DIAPH3: variants seen among roughly 807,000 people sequenced by gnomAD.
The protein encoded by DIAPH3 is diaphanous related formin 3, also known as protein diaphanous homolog 3.
Under a neutral mutation model 144.3 loss-of-function variants are expected in DIAPH3, and 117 were observed. That is an observed-to-expected ratio of 0.81 (90% CI 0.70 to 0.95). The LOEUF (loss-of-function observed/expected upper bound fraction) is 0.95. Ranked by LOEUF, DIAPH3 falls within the 40% of genes least tolerant of loss-of-function variation. The probability of loss-of-function intolerance (pLI) is 0.00; values close to 1 mark genes in which losing one functional copy is unlikely to be tolerated. For synonymous variants in DIAPH3, 519 were observed against 488.9 expected, an observed-to-expected ratio of 1.06 and a Z score of -0.81; for missense variants, 1,421 against 1,412.7, an observed-to-expected ratio of 1.01 and a Z score of -0.09.
intron 23 of DIAPH3, among the ~76,000 whole-genome samples, chr13:59,835,917 T>C (rs1015424893): frequency 6.6e-6 from 1 of 151,878 alleles, no homozygotes; most frequent in Non-Finnish European, 1.5e-5. Context: ...GGGCTGGCTT[T>C]AGCATCTACC....
intron 17 of DIAPH3, among the ~76,000 whole-genome samples, chr13:59,967,552 C>G (rs541794065): frequency 6.6e-6 from 1 of 152,162 alleles, no homozygotes; most frequent in Non-Finnish European, 1.5e-5. Context: ...ACATCTTTCT[C>G]TTTCCTTCCT....
intron 5 of DIAPH3, among the ~76,000 whole-genome samples, chr13:60,017,949 C>G (rs1333921700): frequency 6.6e-6 from 1 of 152,168 alleles, no homozygotes; most frequent in Non-Finnish European, 1.5e-5. Flanking sequence ...TTTTATGTTT[C>G]ATGAAAACAA....
intron 27 of DIAPH3, among the ~76,000 whole-genome samples, chr13:59,760,213 G>T (rs887180714): frequency 2.0e-5 from 3 of 152,092 alleles, no homozygotes; most frequent in Non-Finnish European, 4.4e-5. Context: ...AGATAACAAA[G>T]AATTTTAAAA....
chr13:59,791,395 C>T (rs2139404324), intron 25 of DIAPH3, among the ~76,000 whole-genome samples: 1 of 152,284 alleles, frequency 6.6e-6, no homozygotes, highest in African/African-American at 2.4e-5. Context: ...CTGTATGGAA[C>T]ATTTTACCTA....
At chr13:59,852,019 A>C (rs769925627) in intron 22 of DIAPH3, among the ~76,000 whole-genome samples, 49 of 152,224 alleles carry the variant, frequency 3.2e-4, no homozygotes, top group Non-Finnish European at 4.9e-4. Context: ...AATGCCTACC[A>C]AACAGGAGTT....
intron 4 of DIAPH3, among the ~76,000 whole-genome samples, chr13:60,057,617 C>G (rs896462099): frequency 6.6e-6 from 1 of 151,792 alleles, no homozygotes; most frequent in Admixed American, 6.6e-5. Flanking sequence ...AACAAATCTG[C>G]AGGCATCACG....
chr13:59,934,602 C>A (rs750988947), intron 17 of DIAPH3, among the ~76,000 whole-genome samples: 14 of 152,098 alleles, frequency 9.2e-5, no homozygotes, highest in Non-Finnish European at 2.1e-4. Flanking sequence ...TTCTAAGAGG[C>A]TGATAAAGAG....
chr13:59,986,744 T>C (rs1242135299), intron 12 of DIAPH3, among the ~76,000 whole-genome samples: 1 of 149,004 alleles, frequency 6.7e-6, no homozygotes. Flanking sequence ...TCACTGGCCA[T>C]CAGAGAAATG....
At chr13:60,026,154 C>T (rs1209099644) in intron 5 of DIAPH3, among the ~76,000 whole-genome samples, 4 of 152,116 alleles carry the variant, frequency 2.6e-5, no homozygotes, top group Admixed American at 1.3e-4. Flanking sequence ...CTCTCTTATA[C>T]ATCCCCACAC....
intron 22 of DIAPH3, chr13:59,861,146 C>G (rs1360026735): frequency 8.6e-7 from 1 of 1,163,352 alleles, no homozygotes; most frequent in East Asian, 2.6e-5. Context: ...GAAGGTAGGG[C>G]TAGCAGGTAT....
chr13:59,851,635 C>CT (rs200870976), intron 22 of DIAPH3, among the ~76,000 whole-genome samples: 7,298 of 112,332 alleles, frequency 0.065, 300 homozygotes, highest in Admixed American at 0.097. Flanking sequence ...ATAGATGAAT[C>CT]TTTTTTTTTT....
In DIAPH3 at chr13:60,008,613, A is replaced by C; in HGVS notation, c.945T>G (p.Gly315=). The change falls in exon 9 of 28, where the codon GGT becomes GGG. Residue 315 remains glycine (G), a synonymous_variant. Coordinates refer to ENST00000400324, the MANE Select transcript of DIAPH3 (RefSeq NM_001042517.2). ...AAAATCTGTCAATTTTTTTTTCTTC[A>C]CCAGCTGAAGTTAAAGCTTCTAAAA... The part of the protein sequence containing the change: ...EEVLEALTSA[G]EEKKIDRFFC... The C allele has an allele frequency of 6.2e-7, 1 of 1,613,556 alleles. No individual in the cohort carries two copies.
chr13:59,707,894 C>A (rs954196332), intron 27 of DIAPH3, among the ~76,000 whole-genome samples: 1 of 151,752 alleles, frequency 6.6e-6, no homozygotes, highest in African/African-American at 2.4e-5. Context: ...AATGCTCCAA[C>A]AATTTACTCA....
intron 20 of DIAPH3, among the ~76,000 whole-genome samples, chr13:59,882,926 C>T (rs557811649): frequency 1.3e-5 from 2 of 152,272 alleles, no homozygotes; most frequent in South Asian, 4.2e-4. Context: ...CCCCCCCACA[C>T]ACAGATGTCA....
intron 18 of DIAPH3, among the ~76,000 whole-genome samples, chr13:59,924,438 A>AT (rs1308228394): frequency 6.6e-6 from 1 of 151,618 alleles, no homozygotes; most frequent in South Asian, 2.1e-4. Context: ...TACACTACCA[A>AT]TTTTTTTCAA....
chr13:59,919,202 C>A (rs1047495594), intron 18 of DIAPH3, among the ~76,000 whole-genome samples: 1 of 151,928 alleles, frequency 6.6e-6, no homozygotes, highest in Admixed American at 6.6e-5. Flanking sequence ...AGAGCAAAAA[C>A]GTGTCATTGA....
At chr13:60,141,972 A>G (rs1260819079) in intron 1 of DIAPH3, among the ~76,000 whole-genome samples, 1 of 152,174 alleles carries the variant, frequency 6.6e-6, no homozygotes. Context: ...AGTGTTTGCA[A>G]TAGAAAAAAC....
At chr13:59,969,448 A>C (rs1298205299) in intron 17 of DIAPH3, among the ~76,000 whole-genome samples, 1 of 152,152 alleles carries the variant, frequency 6.6e-6, no homozygotes, top group Non-Finnish European at 1.5e-5. Context: ...GGTTTGTTAC[A>C]TAGGTATACA....
Position 59,983,887 on chromosome 13 carries a change from C to A in DIAPH3, c.1362G>T (p.Arg454Ser). The A allele has an allele frequency of 1.9e-6, 3 of 1,577,602 alleles. No homozygotes were observed. The highest frequency in any genetic ancestry group is 2.6e-6 in the Non-Finnish European group (3 of 1,148,624). The change falls in exon 13 of 28, where the codon AGG becomes AGT. Residue 454 changes from arginine (R) to serine (S), a missense_variant and splice_region_variant. By Grantham distance (110) the Arg-to-Ser change is moderately radical. Coordinates refer to ENST00000400324, the MANE Select transcript of DIAPH3 (RefSeq NM_001042517.2). ...LLLIRNDYFI[R>S]QQYFKLIDEC... ...CATCAATTAATTTGAAGTATTGTTG[C>A]CTAAAACCAAAGAAAAGAGTAAATG...
Sources: allele counts gnomAD v4.1 joint callset (sites outside exome capture counted in the v4.1 genomes callset), GRCh38; gene constraint gnomAD v4.1.1; transcripts MANE v1.5; gene names NCBI Gene and HGNC (gene_info 2026-07-23, HGNC 2026-07-21).